BACH2: variants seen among roughly 807,000 people sequenced by gnomAD.
The protein encoded by BACH2 is transcription regulator protein BACH2.
A neutral mutation model predicts 61.8 loss-of-function variants in BACH2; 5 were observed. The ratio of observed to expected loss-of-function variants is 0.08; its 90% CI spans 0.04 to 0.17. BACH2 has a LOEUF of 0.17. BACH2 is among the 10% of genes least tolerant of loss of function. BACH2 has a pLI of 1.00. For missense variants in BACH2, 824 were observed against 1,091.1 expected, an observed-to-expected ratio of 0.76 and a Z score of 3.45; for synonymous variants, 446 against 440.1, an observed-to-expected ratio of 1.01 and a Z score of -0.17.
chr6:90,088,652 T>C (rs528103138), intron 5 of BACH2, among the ~76,000 whole-genome samples: 6 of 152,276 alleles, frequency 3.9e-5, no homozygotes, highest in Admixed American at 3.9e-4. Flanking sequence ...CAGCCTCACT[T>C]GGAAACTTCT....
intron 5 of BACH2, among the ~76,000 whole-genome samples, chr6:90,060,785 C>T (rs1193683150): frequency 6.6e-6 from 1 of 152,102 alleles, no homozygotes; most frequent in African/African-American, 2.4e-5. Context: ...TTTAGTGGTA[C>T]TACCAACCTG....
chr6:90,215,422 C>T (rs1769500746), intron 3 of BACH2, among the ~76,000 whole-genome samples: 1 of 152,144 alleles, frequency 6.6e-6, no homozygotes, highest in East Asian at 1.9e-4. Context: ...GAGCCTACAG[C>T]TGGGTCTGAA....
chr6:90,128,356 G>A (rs1005294950), intron 4 of BACH2, among the ~76,000 whole-genome samples: 2 of 152,298 alleles, frequency 1.3e-5, no homozygotes, highest in Middle Eastern at 6.8e-3. Context: ...GCCGAGGCGG[G>A]TGGATCACGA....
At chr6:90,018,654 C>T (rs1311250119) in intron 5 of BACH2, among the ~76,000 whole-genome samples, 2 of 152,152 alleles carry the variant, frequency 1.3e-5, no homozygotes, top group African/African-American at 4.8e-5. Flanking sequence ...CAATGCAAAC[C>T]ACATAGTATA....
chr6:89,999,996 T>G (rs1278724944), intron 6 of BACH2, among the ~76,000 whole-genome samples: 2 of 152,234 alleles, frequency 1.3e-5, no homozygotes, highest in Admixed American at 1.3e-4. Context: ...CCTACTACTA[T>G]GCCAAAAGAG....
intron 6 of BACH2, among the ~76,000 whole-genome samples, chr6:89,977,762 T>C (rs929245072): frequency 5.3e-5 from 8 of 149,842 alleles, no homozygotes; most frequent in African/African-American, 1.7e-4. Flanking sequence ...TACAAGGCGG[T>C]TGAAAAAAAT....
chr6:90,188,829 A>G (rs1768454267), intron 4 of BACH2, among the ~76,000 whole-genome samples: 1 of 151,768 alleles, frequency 6.6e-6, no homozygotes, highest in Non-Finnish European at 1.5e-5. Flanking sequence ...TTAAAAAAAA[A>G]TAAAAAACAA....
At chr6:90,272,740 T>C (rs1414690137) in intron 1 of BACH2, among the ~76,000 whole-genome samples, 1 of 152,182 alleles carries the variant, frequency 6.6e-6, no homozygotes, top group Non-Finnish European at 1.5e-5. Context: ...CTCACCTCTA[T>C]CTTTTGCTAC....
chr6:90,215,686 A>G (rs758443348), intron 3 of BACH2, among the ~76,000 whole-genome samples: 1 of 152,110 alleles, frequency 6.6e-6, no homozygotes, highest in African/African-American at 2.4e-5. Flanking sequence ...TTTAGGTTCC[A>G]TATGTAGCCA....
chr6:90,002,843 C>T (rs1456032453), intron 6 of BACH2, among the ~76,000 whole-genome samples: 7 of 152,164 alleles, frequency 4.6e-5, no homozygotes, highest in Admixed American at 4.6e-4. Flanking sequence ...TCAGTCTTCG[C>T]TTCACCCATC....
chr6:89,951,539 G>A lies in BACH2; in HGVS notation c.567C>T (p.Pro189=). Residue 189 remains proline, a synonymous_variant, in exon 7 of 9, where the codon CCC becomes CCT. Transcript: ENST00000257749. This position sits in a 1 kb window ranked among gnomAD's most constrained non-coding sequence, Gnocchi z 6.4. ...ACPRDQMLPE[P]ISFEAAAIPV... ...GGATGGCGGCGGCCTCAAAGCTGAT[G>A]GGCTCTGGAAGCATCTGGTCCCTGG... The A allele has an allele frequency of 6.2e-7, 1 of 1,614,208 alleles. No individual in the cohort carries two copies. The highest frequency in any genetic ancestry group is 2.2e-5 in the East Asian group (1 of 44,886).
intron 5 of BACH2, among the ~76,000 whole-genome samples, chr6:90,076,027 A>T (rs1781457813): frequency 6.6e-6 from 1 of 152,194 alleles, no homozygotes; most frequent in Non-Finnish European, 1.5e-5. Flanking sequence ...ACTTTGCTGC[A>T]GAGGGATAAA....
intron 1 of BACH2, among the ~76,000 whole-genome samples, chr6:90,293,754 AC>A (rs1772253790): frequency 6.6e-6 from 1 of 152,238 alleles, no homozygotes. Context: ...TCCTACCATC[AC>A]TGCAAAGTGC....
At chr6:90,277,429 A>G (rs1771728859) in intron 1 of BACH2, among the ~76,000 whole-genome samples, 1 of 152,220 alleles carries the variant, frequency 6.6e-6, no homozygotes, top group Non-Finnish European at 1.5e-5. Context: ...TAAAGTTCAA[A>G]AACAGGCAAA....
At chr6:90,204,164 G>C (rs201232293) in intron 4 of BACH2, among the ~76,000 whole-genome samples, 1 of 152,150 alleles carries the variant, frequency 6.6e-6, no homozygotes, top group East Asian at 1.9e-4. Flanking sequence ...CTCCCTAACT[G>C]AAGTGCCCCG....
At chr6:90,249,566 T>A (rs1001170881) in intron 3 of BACH2, among the ~76,000 whole-genome samples, 1 of 151,740 alleles carries the variant, frequency 6.6e-6, no homozygotes, top group African/African-American at 2.4e-5. Flanking sequence ...AGTCCAGGAG[T>A]TCGAGACCAG....
At position 90,027,234 on chromosome 6, in the gene BACH2, A is replaced by G. The variant is rs185899003; in HGVS notation, c.-12-18378T>C. ...ATGCCCTTCAGAGAACACGGGGAAA[A>G]GGCAGTGAAAAGGAATGGGAGAAAA... On this transcript the variant is annotated intron_variant, in intron 5 of 8. Coordinates refer to ENST00000257749, the MANE Select transcript of BACH2 (RefSeq NM_021813.4). 4.1e-4 allele frequency among the ~76,000 whole-genome samples: 63 copies of G among 152,144 alleles called. 1 individual carries two copies. The highest frequency in any genetic ancestry group is 1.4e-3 in the African/African-American group (57 of 41,426).
At chr6:90,074,383 G>T (rs1781378568) in intron 5 of BACH2, among the ~76,000 whole-genome samples, 1 of 152,156 alleles carries the variant, frequency 6.6e-6, no homozygotes, top group Non-Finnish European at 1.5e-5. Context: ...CAACAAGCCA[G>T]AACAAAAGTC....
intron 4 of BACH2, among the ~76,000 whole-genome samples, chr6:90,191,218 C>T (rs1768559370): frequency 6.6e-6 from 1 of 152,162 alleles, no homozygotes; most frequent in Non-Finnish European, 1.5e-5. Flanking sequence ...GAAGTAGAAA[C>T]CAGTTTTAAG....
Sources: gnomAD v4.1 joint callset for allele counts (sites outside exome capture counted in the v4.1 genomes callset) on GRCh38, gnomAD v4.1.1 for gene constraint, Gnocchi (gnomAD v3.1) non-coding constraint, MANE v1.5 for transcripts, NCBI Gene and HGNC (gene_info 2026-07-23, HGNC 2026-07-21) for gene names.